The following DMD variants were observed in gnomAD, a reference collection of about 807,000 sequenced individuals.
DMD encodes the protein mutant dystrophin.
DMD carries 63 observed loss-of-function variants against 330.1 expected under a neutral mutation model. The observed-to-expected ratio is 0.19, with a 90% CI of 0.16 to 0.24. DMD has a LOEUF of 0.24. DMD is among the 10% of genes least tolerant of loss of function. DMD has a pLI of 1.00. For missense variants in DMD, 3,344 were observed against 2,684.1 expected, an observed-to-expected ratio of 1.25 and a Z score of -5.43; for synonymous variants, 1,223 against 959.8, an observed-to-expected ratio of 1.27 and a Z score of -5.07.
chrX:33,116,960 A>G (rs961028960), intron 1 of DMD, among the ~76,000 whole-genome samples: 53 of 111,200 alleles, frequency 4.8e-4, no homozygotes, highest in South Asian at 7.6e-4. Flanking sequence ...AAGATACTCT[A>G]CTAGATTTAA....
chrX:33,273,954 C>A (rs2053198211), intron 1 of DMD, among the ~76,000 whole-genome samples: 1 of 112,158 alleles, frequency 8.9e-6, no homozygotes, highest in African/African-American at 3.2e-5. Flanking sequence ...AATCTTAGCA[C>A]CAGTGCCAGG....
chrX:32,136,581 CAAAA>C (rs1156475693), intron 44 of DMD, among the ~76,000 whole-genome samples: 6 of 110,827 alleles, frequency 5.4e-5, no homozygotes, highest in African/African-American at 2.0e-4. Context: ...CAAAACAAAA[CAAAA>C]CAAAACAAAA....
At chrX:31,680,972 C>T (rs1047596110) in intron 52 of DMD, among the ~76,000 whole-genome samples, 7 of 111,246 alleles carry the variant, frequency 6.3e-5, no homozygotes, top group South Asian at 3.9e-4. Context: ...CTTTCCTAAG[C>T]GTCACCCAAC....
At chrX:32,023,459 G>A (rs761213298) in intron 44 of DMD, among the ~76,000 whole-genome samples, 2 of 111,215 alleles carry the variant, frequency 1.8e-5, no homozygotes, top group African/African-American at 6.5e-5. Context: ...ATATCGACGT[G>A]TATGTCTCAC....
At chrX:31,409,600 A>G (rs2061551037) in intron 60 of DMD, among the ~76,000 whole-genome samples, 2 of 112,119 alleles carry the variant, frequency 1.8e-5, no homozygotes, top group Non-Finnish European at 3.8e-5. Flanking sequence ...CTACTGAAAT[A>G]TTTTAAATAT....
chrX:31,206,039 A>G (rs1205342574), intron 66 of DMD, among the ~76,000 whole-genome samples: 4 of 112,542 alleles, frequency 3.6e-5, no homozygotes, highest in African/African-American at 1.3e-4. Flanking sequence ...TGCGTAATCA[A>G]AAGGAAATTC....
At chrX:32,859,093 A>G (rs2081849571) in intron 2 of DMD, among the ~76,000 whole-genome samples, 1 of 111,547 alleles carries the variant, frequency 9.0e-6, no homozygotes, top group African/African-American at 3.3e-5. Flanking sequence ...GTATGCACTC[A>G]ATAAATATAG....
At chrX:32,294,776 C>A (rs2097488632) in intron 42 of DMD, among the ~76,000 whole-genome samples, 1 of 111,076 alleles carries the variant, frequency 9.0e-6, no homozygotes, top group Non-Finnish European at 1.9e-5. Context: ...CCTCAAGGCA[C>A]TGCACACAGA....
At chrX:33,325,576 G>T (rs1435655830) in intron 1 of DMD, among the ~76,000 whole-genome samples, 1 of 112,062 alleles carries the variant, frequency 8.9e-6, no homozygotes, top group South Asian at 3.6e-4. Context: ...AACCAATCAC[G>T]CATTTGCTCT....
intron 44 of DMD, among the ~76,000 whole-genome samples, chrX:32,142,187 T>C (rs1319319911): frequency 9.0e-6 from 1 of 111,247 alleles, no homozygotes. Flanking sequence ...TGAGGCTATA[T>C]AGAAGACACG....
At chrX:32,655,736 G>A (rs1401032671) in intron 9 of DMD, among the ~76,000 whole-genome samples, 5 of 111,349 alleles carry the variant, frequency 4.5e-5, no homozygotes, top group Admixed American at 1.9e-4. Context: ...GTTGTCAGTG[G>A]GGTGTTAAAG....
chrX:32,815,494 CATATATAT>C (rs1557051738), intron 6 of DMD, among the ~76,000 whole-genome samples: 25 of 71,849 alleles, frequency 3.5e-4, no homozygotes, highest in Admixed American at 1.1e-3. Context: ...CACACACAAG[CATATATAT>C]ATATATATAT....
At chrX:32,866,734 TGGGGGGGTGGGGGGGGGG>T (rs1341972126) in intron 2 of DMD, among the ~76,000 whole-genome samples, 2 of 6,105 alleles carry the variant, frequency 3.3e-4, no homozygotes, top group Non-Finnish European at 5.9e-4. Flanking sequence ...TGGGGGGGGG[TGGGGGGGTGGGGGGGGGG>T]GGACAGAGTT....
chrX:33,111,179 C>T (rs2095336647), intron 1 of DMD, among the ~76,000 whole-genome samples: 1 of 111,375 alleles, frequency 9.0e-6, no homozygotes, highest in Non-Finnish European at 1.9e-5. Flanking sequence ...AAAGCTTAAA[C>T]CTCTACAGAA....
intron 61 of DMD, among the ~76,000 whole-genome samples, chrX:31,343,612 TGTGTGTGA>T (rs1338901168): frequency 1.1e-3 from 102 of 95,769 alleles, no homozygotes; most frequent in African/African-American, 3.3e-3. Flanking sequence ...TGTGTGTGTG[TGTGTGTGA>T]GAGAGAGAGA....
chrX:32,207,819 G>A (rs2147790773), intron 44 of DMD, among the ~76,000 whole-genome samples: 1 of 111,783 alleles, frequency 8.9e-6, no homozygotes, highest in Non-Finnish European at 1.9e-5. Flanking sequence ...TTGTTTTAAA[G>A]TTACAGTTGT....
At chrX:31,257,061 T>C (rs2050032512) in intron 63 of DMD, among the ~76,000 whole-genome samples, 1 of 108,517 alleles carries the variant, frequency 9.2e-6, no homozygotes, top group Admixed American at 1.0e-4. Flanking sequence ...CACCTTCTAA[T>C]CCTATTGTGT....
chrX:32,457,181 A>T (rs2098363735), intron 25 of DMD, among the ~76,000 whole-genome samples: 1 of 110,071 alleles, frequency 9.1e-6, no homozygotes, highest in African/African-American at 3.3e-5. Flanking sequence ...ATTAAGAAAG[A>T]ATGATGACAC....
At chrX:32,729,301 T>C (rs963524465) in intron 7 of DMD, among the ~76,000 whole-genome samples, 1 of 112,102 alleles carries the variant, frequency 8.9e-6, no homozygotes, top group Non-Finnish European at 1.9e-5. Context: ...GCATTTTGGA[T>C]AAGGGATACT....
Sources: allele counts gnomAD v4.1 joint callset (sites outside exome capture counted in the v4.1 genomes callset), GRCh38; gene constraint gnomAD v4.1.1; transcripts MANE v1.5; gene names NCBI Gene and HGNC (gene_info 2026-07-23, HGNC 2026-07-21).